Variants in USP50 observed in about 807,000 individuals in gnomAD.
USP50 encodes the protein ubiquitin specific peptidase 50, also known as ubiquitin carboxyl-terminal hydrolase 50.
Under a neutral mutation model 39.2 loss-of-function variants are expected in USP50, and 37 were observed. The observed-to-expected ratio is 0.94, with a 90% CI of 0.73 to 1.24. The LOEUF (loss-of-function observed/expected upper bound fraction) is 1.24, where lower values mean the gene tolerates loss of function less well. Ranked by LOEUF, USP50 falls within the 50% of genes most tolerant of loss-of-function variation. USP50 has a pLI of 0.00. For missense variants in USP50, 374 were observed against 398.2 expected (o/e 0.94, Z 0.52); for synonymous variants, 139 against 144.5 (o/e 0.96, Z 0.27).
intron 5 of USP50, among the ~76,000 whole-genome samples, chr15:50,534,597 A>G (rs1023977931): frequency 1.3e-5 from 2 of 152,220 alleles, no homozygotes; most frequent in East Asian, 1.9e-4. Context: ...ACAAAATTCA[A>G]CTGTGTACTG....
chr15:50,504,676 G>C (rs1483571046), intron 6 of USP50: 1 of 152,076 alleles, frequency 6.6e-6, no homozygotes, highest in Non-Finnish European at 1.5e-5. Flanking sequence ...AAGATATTAG[G>C]ACACAGAAAA....
downstream of USP50, chr15:50,493,083 C>G (rs781719602): frequency 4.0e-6 from 3 of 754,108 alleles, no homozygotes; most frequent in Non-Finnish European, 6.8e-6. Context: ...AGGCCATCGT[C>G]TAGGTGCCGG....
chr15:50,539,048 T>C (rs767454925), intron 4 of USP50, among the ~76,000 whole-genome samples, 197 bp from the exon 5 acceptor site: 2 of 152,150 alleles, frequency 1.3e-5, no homozygotes, highest in Non-Finnish European at 2.9e-5. Context: ...GTTTCTTTCT[T>C]GTTACTGAGA....
intron 5 of USP50, chr15:50,532,012 C>T (rs955674995): frequency 2.4e-6 from 1 of 412,492 alleles, no homozygotes; most frequent in Admixed American, 2.8e-5. Flanking sequence ...ACAGACTTAC[C>T]AGAGCCAAAA....
At chr15:50,528,925 T>G (rs1566908690) in intron 6 of USP50, among the ~76,000 whole-genome samples, 1 of 152,154 alleles carries the variant, frequency 6.6e-6, no homozygotes, top group Non-Finnish European at 1.5e-5. Flanking sequence ...CAGGTACAAT[T>G]TGAAATATGA....
At chr15:50,509,068 G>A (rs1266507764) in intron 6 of USP50, 2 of 124,608 alleles carry the variant, frequency 1.6e-5, no homozygotes, top group African/African-American at 6.0e-5. Context: ...CGGGGTCGGA[G>A]CTTGCAGTGA....
At chr15:50,500,934 C>T in intron 6 of USP50, 97 bp from the exon 7 acceptor site, 2 of 1,027,820 alleles carry the variant, frequency 1.9e-6, no homozygotes, top group South Asian at 2.8e-5. Flanking sequence ...TAAATTGTCC[C>T]TTATTCTAAA....
intron 6 of USP50, chr15:50,505,466 TGA>T (rs2052646221): frequency 6.6e-6 from 1 of 152,206 alleles, no homozygotes; most frequent in Non-Finnish European, 1.5e-5. Context: ...TCTCAAAGAC[TGA>T]GAGACTTCAG....
At position 50,536,373 on chromosome 15, in the gene USP50, G is replaced by A. The variant is rs1033680464; in HGVS notation, c.803+2336C>T. Among the ~76,000 whole-genome samples the A allele has an allele frequency of 2.6e-5, 4 of 152,178 alleles. 1 individual carries two copies. In the South Asian group the frequency reaches 8.3e-4, roughly 31 times the overall value. On this transcript the variant is annotated intron_variant, in intron 5 of 6. Coordinates refer to ENST00000532404, the MANE Select transcript of USP50 (RefSeq NM_203494.5). ...ATTAAAAATATGGCTGGGCATGGTG[G>A]CTCACACCTGTAATCCCAGCACTTT...
At chr15:50,504,517 T>C (rs1249351171) in intron 6 of USP50, 1 of 152,190 alleles carries the variant, frequency 6.6e-6, no homozygotes, top group African/African-American at 2.4e-5. Context: ...AATGAGACCT[T>C]GTCTCAAAAA....
intron 5 of USP50, among the ~76,000 whole-genome samples, chr15:50,537,211 G>A (rs1289487877): frequency 6.6e-6 from 1 of 151,264 alleles, no homozygotes; most frequent in Non-Finnish European, 1.5e-5. Context: ...TCAACAAATG[G>A]TGCTAGGACA....
chr15:50,495,489 G>GT (rs2052360304), intron 1 of USP50, among the ~76,000 whole-genome samples: 1 of 147,252 alleles, frequency 6.8e-6, no homozygotes, highest in African/African-American at 2.6e-5. Flanking sequence ...AGATTGGAGG[G>GT]GGGGGTCTCA....
chr15:50,525,500 ATGTGTGTG>A (rs914307459), intron 6 of USP50, among the ~76,000 whole-genome samples: 1 of 145,270 alleles, frequency 6.9e-6, no homozygotes, highest in African/African-American at 2.6e-5. Context: ...GTATATATGT[ATGTGTGTG>A]TATATATATG....
At chr15:50,493,122 C>T (rs2052242000), downstream of USP50, 3 of 643,806 alleles carry the variant, frequency 4.7e-6, no homozygotes, top group Non-Finnish European at 2.8e-6. Flanking sequence ...GCTGCATCCT[C>T]ACAGGGTAGA....
downstream of USP50, chr15:50,495,962 C>G: frequency 1.2e-6 from 2 of 1,613,864 alleles, no homozygotes; most frequent in Non-Finnish European, 1.7e-6. Context: ...TATTGTTGCA[C>G]TTTTTCAGGG....
chr15:50,520,703 G>A (rs994732881), intron 6 of USP50, among the ~76,000 whole-genome samples: 3 of 152,038 alleles, frequency 2.0e-5, no homozygotes, highest in African/African-American at 4.8e-5. Context: ...ACTGAAGGTC[G>A]TCATGTTAAG....
In USP50 at chr15:50,533,003, GAAGA is replaced by G. The variant is rs1444330203; in HGVS notation, c.804-3078_804-3075del. On this transcript the variant is annotated intron_variant, in intron 5 of 6. Transcript: ENST00000532404. ...CAGTAGAAACTTTTAAAACTGAAAAGAAGAAAGAAAAAAGACTGGCCGGTCAGGC... is the reference window on the plus strand; with the variant it reads ...CAGTAGAAACTTTTAAAACTGAAAAGAAGAAAAAAGACTGGCCGGTCAGGC... Among the ~76,000 whole-genome samples the G allele has an allele frequency of 2.1e-4, 32 of 152,074 alleles. No individual in the cohort carries two copies. In the East Asian group the frequency reaches 6.0e-3, roughly 28 times the overall value.
At chr15:50,496,368 C>G (rs1160485027), downstream of USP50, among the ~76,000 whole-genome samples, 1 of 151,690 alleles carries the variant, frequency 6.6e-6, no homozygotes, top group East Asian at 1.9e-4. Flanking sequence ...GTAGTCCCCG[C>G]TACTCAGGAG....
chr15:50,535,688 A>T (rs1185954934), intron 5 of USP50, among the ~76,000 whole-genome samples: 1 of 152,102 alleles, frequency 6.6e-6, no homozygotes, highest in Non-Finnish European at 1.5e-5. Flanking sequence ...CCAAGGTGGG[A>T]GAATCTCTTG....
Sources: gnomAD v4.1 joint callset for allele counts (sites outside exome capture counted in the v4.1 genomes callset) on GRCh38, gnomAD v4.1.1 for gene constraint, MANE v1.5 for transcripts, NCBI Gene and HGNC (gene_info 2026-07-23, HGNC 2026-07-21) for gene names.